Variants in CCDC171 observed in about 807,000 individuals in gnomAD.
CCDC171 encodes coiled-coil domain containing 171.
In CCDC171, 177 loss-of-function variants were observed where a neutral mutation model predicts 168.2. The observed-to-expected ratio is 1.05, with a 90% CI of 0.93 to 1.19. CCDC171 has a LOEUF of 1.19. Ranked by LOEUF, CCDC171 falls within the 50% of genes most tolerant of loss-of-function variation. The pLI, the probability that CCDC171 is intolerant of heterozygous loss-of-function variation, is 0.00. For synonymous variants in CCDC171, 687 were observed against 540.8 expected (o/e 1.27, Z -3.75); for missense variants, 1,991 against 1,539.0 (o/e 1.29, Z -4.91).
intron 21 of CCDC171, among the ~76,000 whole-genome samples, chr9:15,835,467 G>A (rs1375711225): frequency 2.6e-5 from 4 of 152,084 alleles, no homozygotes; most frequent in African/African-American, 9.7e-5. Flanking sequence ...CGCTTTTGTT[G>A]CCCAGGCTGG....
chr9:15,632,847 G>T (rs1376852027), intron 7 of CCDC171, among the ~76,000 whole-genome samples: 1 of 152,184 alleles, frequency 6.6e-6, no homozygotes, highest in South Asian at 2.1e-4. Context: ...GAACAGAACA[G>T]AGCACTCTGA....
At chr9:15,675,314 G>T (rs1324818264) in intron 9 of CCDC171, among the ~76,000 whole-genome samples, 2 of 145,536 alleles carry the variant, frequency 1.4e-5, no homozygotes, top group Non-Finnish European at 3.0e-5. Context: ...GATGGGTCTT[G>T]ACTCTTTATG....
the CCDC171 span, among the ~76,000 whole-genome samples, chr9:16,101,358 T>G: frequency 6.6e-6 from 1 of 152,328 alleles, no homozygotes; most frequent in South Asian, 2.1e-4. Flanking sequence ...AATTTCAAAT[T>G]TAATTGGGCA....
chr9:15,743,451 G>A (rs951998788), intron 16 of CCDC171, among the ~76,000 whole-genome samples: 4 of 152,068 alleles, frequency 2.6e-5, no homozygotes, highest in Non-Finnish European at 5.9e-5. Context: ...GATTACAGGC[G>A]TGAGCCATTT....
At chr9:16,046,744 T>C (rs1251335716) in intron 1 of CCDC171, among the ~76,000 whole-genome samples, 4 of 152,342 alleles carry the variant, frequency 2.6e-5, no homozygotes, top group East Asian at 1.9e-4. Context: ...TGTGCCGCCA[T>C]GTAAGATGTG....
intron 3 of CCDC171, among the ~76,000 whole-genome samples, chr9:15,999,049 A>T (rs1832454723): frequency 6.6e-6 from 1 of 152,038 alleles, no homozygotes; most frequent in South Asian, 2.1e-4. Flanking sequence ...CCTGGGCAGC[A>T]TACATTTTTT....
In CCDC171 at chr9:15,854,562, T is replaced by G. The variant is rs1394511868; in HGVS notation, c.3468+5615T>G. On this transcript the variant is annotated intron_variant, in intron 23 of 25. Transcript: ENST00000380701. The stretch of plus-strand genomic sequence containing the variant: ...GGTTTCCTTGATTTGCTCCATTGTT[T>G]TTCTGTTCTCTATTTTGTATTATCT... Among the ~76,000 whole-genome samples the G allele has an allele frequency of 2.6e-5, 4 of 151,630 alleles. 1 individual carries two copies. Among genetic ancestry groups the G allele is most frequent in the African/African-American group, 9.7e-5 (4 of 41,368 alleles).
the CCDC171 span, among the ~76,000 whole-genome samples, chr9:16,067,204 G>A: frequency 6.6e-6 from 1 of 152,002 alleles, no homozygotes; most frequent in Non-Finnish European, 1.5e-5. Flanking sequence ...GCATTTCTCT[G>A]ATGGCCAGTG....
chr9:15,605,994 T>G (rs1412315519), intron 6 of CCDC171, among the ~76,000 whole-genome samples: 2 of 152,204 alleles, frequency 1.3e-5, no homozygotes, highest in African/African-American at 4.8e-5. Flanking sequence ...AGATATGCTG[T>G]GTTTTTTTCT....
chr9:15,564,008 C>T lies in CCDC171; in HGVS notation c.-81C>T, dbSNP rs1563946060. 9.3e-7 allele frequency: 1 copy of T among 1,077,718 alleles called. No homozygotes were observed. The highest frequency in any genetic ancestry group is 1.6e-5 in the African/African-American group (1 of 63,596). 66.8% of individuals were successfully genotyped at this position (1,077,718 alleles called of 1,614,324 possible). A position where few individuals can be genotyped will look rare whatever the true frequency, so the allele number is the denominator to read the frequency against. On this transcript the variant is annotated 5_prime_UTR_variant, in exon 2 of 26. Transcript: ENST00000380701. ...AAATCATCTAACGTGAAGCCACAGA[C>T]ATCTTGGGCAATTTTAATCATCAAG...
intron 24 of CCDC171, among the ~76,000 whole-genome samples, chr9:15,901,127 A>T (rs1427471853): frequency 6.6e-6 from 1 of 152,358 alleles, no homozygotes; most frequent in Non-Finnish European, 1.5e-5. Context: ...TAAGAGAAAC[A>T]TTAAAAAGTA....
chr9:15,622,914 A>T (rs1168139975), intron 6 of CCDC171, among the ~76,000 whole-genome samples: 1 of 152,240 alleles, frequency 6.6e-6, no homozygotes, highest in Non-Finnish European at 1.5e-5. Context: ...AGGGCAATAT[A>T]CATTTAAAAA....
At chr9:16,034,909 C>G (rs1171883728) in intron 6 of CCDC171, among the ~76,000 whole-genome samples, 1 of 152,086 alleles carries the variant, frequency 6.6e-6, no homozygotes. Flanking sequence ...TCCCCTATCC[C>G]CAGGCCAAAC....
At chr9:15,581,969 G>T (rs532657223) in intron 4 of CCDC171, among the ~76,000 whole-genome samples, 3 of 152,290 alleles carry the variant, frequency 2.0e-5, no homozygotes, top group Middle Eastern at 6.8e-3. Flanking sequence ...CACAGCAAAA[G>T]AAACTATCAT....
At position 15,690,937 on chromosome 9, in the gene CCDC171, A is replaced by T. The variant is rs180872776; in HGVS notation, c.1216-4298A>T. On this transcript the variant is annotated intron_variant, in intron 10 of 25. Transcript: ENST00000380701. The stretch of plus-strand genomic sequence containing the variant: ...AAGTAAATGCACATTAAATAAGTTG[A>T]TAATGCCTACTATTGGATAGATATT... Among the ~76,000 whole-genome samples the T allele has an allele frequency of 3.3e-5, 5 of 152,324 alleles. No individual in the cohort carries two copies. In the East Asian group the frequency reaches 5.8e-4, roughly 18 times the overall value.
chr9:15,685,558 C>G (rs2050335003), intron 10 of CCDC171, among the ~76,000 whole-genome samples: 1 of 152,006 alleles, frequency 6.6e-6, no homozygotes, highest in Non-Finnish European at 1.5e-5. Context: ...TCACTTGAGT[C>G]TGGGAGGTTG....
chr9:15,940,749 A>G (rs1315415575), intron 25 of CCDC171, among the ~76,000 whole-genome samples: 1 of 151,922 alleles, frequency 6.6e-6, no homozygotes, highest in Admixed American at 6.6e-5. Flanking sequence ...CTGTGGAGTC[A>G]AGAGCTAAGA....
chr9:15,648,503 C>A (rs574325312), intron 7 of CCDC171, among the ~76,000 whole-genome samples: 12 of 152,252 alleles, frequency 7.9e-5, no homozygotes, highest in East Asian at 3.9e-4. Context: ...AAAACCCCAT[C>A]GTCTCAGCCC....
At chr9:15,653,779 T>A (rs2047713242) in intron 7 of CCDC171, among the ~76,000 whole-genome samples, 1 of 152,086 alleles carries the variant, frequency 6.6e-6, no homozygotes, top group Admixed American at 6.6e-5. Flanking sequence ...TTAAAAAAAT[T>A]TACTTAGTTA....
Sources: gnomAD v4.1 joint callset for allele counts (sites outside exome capture counted in the v4.1 genomes callset) on GRCh38, gnomAD v4.1.1 for gene constraint, MANE v1.5 for transcripts, NCBI Gene and HGNC (gene_info 2026-07-23, HGNC 2026-07-21) for gene names.